Variants in SLC29A4 observed in about 807,000 individuals in gnomAD.
SLC29A4 encodes equilibrative nucleoside transporter 4.
A neutral mutation model predicts 43.9 loss-of-function variants in SLC29A4; 36 were observed. The ratio of observed to expected loss-of-function variants is 0.82; its 90% CI spans 0.63 to 1.08. SLC29A4 has a LOEUF of 1.08. Among genes scored for constraint, SLC29A4 ranks in the 50% least tolerant of loss-of-function variants. The pLI, the probability that SLC29A4 is intolerant of heterozygous loss-of-function variation, is 0.00. For missense variants in SLC29A4, 869 were observed against 755.3 expected (o/e 1.15, Z -1.77); for synonymous variants, 491 against 338.0 (o/e 1.45, Z -4.97).
At chr7:5,296,474 G>A (rs11765038) in intron 6 of SLC29A4, among the ~76,000 whole-genome samples, 38,326 of 133,246 alleles carry the variant, frequency 0.29, 6,776 homozygotes, top group East Asian at 0.68. Context: ...GAGTTGGGGC[G>A]GGAGAGACGG....
At chr7:5,301,616 T>G (rs1366544859) in intron 10 of SLC29A4, among the ~76,000 whole-genome samples, 1 of 152,012 alleles carries the variant, frequency 6.6e-6, no homozygotes. Context: ...TGGAGGTGAG[T>G]GAGGAGCTAC....
At chr7:5,296,100 C>T (rs1239454609) in intron 6 of SLC29A4, among the ~76,000 whole-genome samples, 2 of 152,114 alleles carry the variant, frequency 1.3e-5, no homozygotes, top group Admixed American at 6.5e-5. Flanking sequence ...GCACTGAGCT[C>T]ACAGCAGCCC....
At position 5,297,310 on chromosome 7, in the gene SLC29A4, C is replaced by T. The variant is rs1374836311; in HGVS notation, c.882+112C>T. On this transcript the variant is annotated intron_variant, in intron 7 of 10. Transcript: ENST00000396872. The stretch of plus-strand genomic sequence containing the variant: ...TCTCACCTGCATCCCAGACTGTGGT[C>T]TCCTCCTGTGGTGGAGACTCCTTCC... 5.5e-6 allele frequency: 7 copies of T among 1,273,360 alleles called. No individual in the cohort carries two copies. In the African/African-American group the frequency reaches 9.1e-5, roughly 17 times the overall value. 78.9% of individuals were successfully genotyped at this position (1,273,360 alleles called of 1,614,324 possible).
rs1786319035 is a variant in SLC29A4 at position 5,303,522 on chromosome 7, C to T, written c.*583C>T. ...CGTTAGCCATGAAGGAGTCGGAGCCCTGGGTCCGAATGGACCCGCCTGCGG... is the reference window on the plus strand; with the variant it reads ...CGTTAGCCATGAAGGAGTCGGAGCCTTGGGTCCGAATGGACCCGCCTGCGG... On this transcript the variant is annotated 3_prime_UTR_variant, in exon 11 of 11. Coordinates refer to ENST00000396872, the MANE Select transcript of SLC29A4 (RefSeq NM_153247.4). 1.3e-5 allele frequency: 2 copies of T among 155,486 alleles called. No homozygotes were observed. Among genetic ancestry groups the T allele is most frequent in the African/African-American group, 4.8e-5 (2 of 41,490 alleles). 9.6% of individuals were successfully genotyped at this position (155,486 alleles called of 1,614,324 possible).
intron 6 of SLC29A4, among the ~76,000 whole-genome samples, chr7:5,295,262 G>A (rs959448369): frequency 6.6e-6 from 1 of 152,056 alleles, no homozygotes; most frequent in African/African-American, 2.4e-5. Context: ...GCGTGTGTTA[G>A]GAGGTGGGCC....
intron 2 of SLC29A4, among the ~76,000 whole-genome samples, chr7:5,288,268 C>T (rs565116569): frequency 2.2e-4 from 33 of 149,484 alleles, no homozygotes; most frequent in African/African-American, 7.7e-4. Context: ...GGTGAAGGGA[C>T]CATGGCTCAT....
At position 5,305,751 on chromosome 7, in the gene SLC29A4, T is replaced by C. The variant is rs146837204; in HGVS notation, c.*2812T>C. 0.054 allele frequency: 8,133 copies of C among 150,142 alleles called. 269 individuals carry two copies. The highest frequency in any genetic ancestry group is 0.086 in the Middle Eastern group (25 of 292). 9.3% of individuals were successfully genotyped at this position (150,142 alleles called of 1,614,324 possible). On this transcript the variant is annotated 3_prime_UTR_variant, in exon 11 of 11. Coordinates refer to ENST00000396872, the MANE Select transcript of SLC29A4 (RefSeq NM_153247.4). Reference sequence around the variant, plus strand: ...TTTGTGCTTTTAGTAGAGACGAGGTTTCTCCATGTTGGTCAGGCTGGTCTT... The same window carrying C: ...TTTGTGCTTTTAGTAGAGACGAGGTCTCTCCATGTTGGTCAGGCTGGTCTT...
At chr7:5,284,858 G>C (rs1457392550) in intron 1 of SLC29A4, among the ~76,000 whole-genome samples, 1 of 152,226 alleles carries the variant, frequency 6.6e-6, no homozygotes, top group African/African-American at 2.4e-5. Context: ...GCCTTCCTGG[G>C]TGGCGTGGCC....
intron 5 of SLC29A4, among the ~76,000 whole-genome samples, chr7:5,292,690 CTTTTTTTT>C (rs1056329272): frequency 8.3e-4 from 56 of 67,406 alleles, no homozygotes; most frequent in African/African-American, 2.0e-3. Flanking sequence ...CATTTTTTTC[CTTTTTTTT>C]TTTTTTTTTT....
intron 7 of SLC29A4, among the ~76,000 whole-genome samples, chr7:5,297,601 C>A (rs1423466849): frequency 6.6e-6 from 1 of 152,236 alleles, no homozygotes; most frequent in Non-Finnish European, 1.5e-5. Flanking sequence ...GGAGAGTCCT[C>A]CTGCAGGCTC....
Position 5,296,601 on chromosome 7 carries a change from G to T in SLC29A4, c.620-335G>T, listed in dbSNP as rs187465319. Among the ~76,000 whole-genome samples, 58 of 108,504 alleles carry T rather than the reference G, an allele frequency of 5.3e-4. 1 individual carries two copies. The East Asian group carries it at 0.015, about 28-fold the overall frequency. 71.2% of individuals were successfully genotyped at this position (108,504 alleles called of 152,430 possible). A position where few individuals can be genotyped will look rare whatever the true frequency, so the allele number is the denominator to read the frequency against. ...GTCAAGCTGAGTCGGGGGGTGGGGT[G>T]GGATGCAGCTGGGCGTGGCTGAGTG... On this transcript the variant is annotated intron_variant, in intron 6 of 10. Transcript: ENST00000396872.
chr7:5,291,650 C>T (rs1785317543), intron 4 of SLC29A4, 43 bp from the exon 5 acceptor site: 3 of 1,544,098 alleles, frequency 1.9e-6, no homozygotes, highest in Non-Finnish European at 8.8e-7. Flanking sequence ...GGACCCCACC[C>T]AGTTGGCTCC....
chr7:5,299,010 C>T lies in SLC29A4; in HGVS notation c.905C>T (p.Ala302Val). Reference sequence around the variant, plus strand: ...CAGGAGCACCCAGCCCCGGCCCTGGCCCCCAACGAGTCCCCAAAGGACAGC... The same window carrying T: ...CAGGAGCACCCAGCCCCGGCCCTGGTCCCCAACGAGTCCCCAAAGGACAGC... ...VHFEHPAPAL[A>V]PNESPKDSPA... The change falls in exon 8 of 11, where the codon GCC becomes GTC. Residue 302 changes from alanine (A) to valine (V), a missense_variant. Physicochemically the swap from Ala to Val is moderately conservative, Grantham distance 64 (BLOSUM62 0). Transcript: ENST00000396872. 6.2e-7 allele frequency: 1 copy of T among 1,610,690 alleles called. No individual in the cohort carries two copies. Among genetic ancestry groups the T allele is most frequent in the Admixed American group, 1.7e-5 (1 of 59,986 alleles).
chr7:5,292,763 A>G (rs903539264), intron 5 of SLC29A4, among the ~76,000 whole-genome samples: 2 of 125,094 alleles, frequency 1.6e-5, no homozygotes, highest in Non-Finnish European at 3.1e-5. Context: ...CAGTGGCACC[A>G]TCTCAACTCA....
rs759306260 is a variant in SLC29A4, at chr7:5,291,107, T to C, written c.302-17T>C. On this transcript the variant is annotated splice_polypyrimidine_tract_variant and intron_variant, in intron 3 of 10. Coordinates refer to ENST00000396872, the MANE Select transcript of SLC29A4 (RefSeq NM_153247.4). Reference sequence around the variant, plus strand: ...GTGGGGCCTCCCTGAGCACCTGCTGTCTCTGGCCCTCTGCAGGGACCTCCA... The same window carrying C: ...GTGGGGCCTCCCTGAGCACCTGCTGCCTCTGGCCCTCTGCAGGGACCTCCA... 1.5e-5 allele frequency: 24 copies of C among 1,612,132 alleles called. No homozygotes were observed. The highest frequency in any genetic ancestry group is 2.0e-5 in the Non-Finnish European group (23 of 1,178,908).
At chr7:5,291,857 C>G in intron 5 of SLC29A4, 36 bp downstream of exon 5, 1 of 1,599,016 alleles carries the variant, frequency 6.3e-7, no homozygotes, top group Non-Finnish European at 8.5e-7. Context: ...GCCTTGAGTG[C>G]CCACTTCCGA....
chr7:5,288,211 G>A (rs965990843), intron 2 of SLC29A4, among the ~76,000 whole-genome samples: 22 of 152,050 alleles, frequency 1.4e-4, no homozygotes, highest in Admixed American at 1.4e-3. Flanking sequence ...GACAGCCCCA[G>A]GCAGAGGAGG....
Position 5,287,855 on chromosome 7 carries a change from C to A in SLC29A4, c.39C>A (p.Ser13Arg), listed in dbSNP as rs772702987. The change falls in exon 2 of 11, where the codon AGC (serine) becomes AGA (arginine). Residue 13 changes from serine (S) to arginine (R), a missense_variant. By Grantham distance (110) the Ser-to-Arg change is moderately radical. Coordinates refer to ENST00000396872, the MANE Select transcript of SLC29A4 (RefSeq NM_153247.4). ...SVGSQRLEEP[S>R]VAGTPDPGVV... ...GGAGCCAGCGCCTTGAGGAGCCCAG[C>A]GTGGCAGGCACACCAGACCCGGGCG... 6.2e-7 allele frequency: 1 copy of A among 1,611,960 alleles called. No homozygotes were observed. The highest frequency in any genetic ancestry group is 2.2e-5 in the East Asian group (1 of 44,882).
At chr7:5,290,436 A>T (rs1464369579) in intron 2 of SLC29A4, among the ~76,000 whole-genome samples, 1 of 152,148 alleles carries the variant, frequency 6.6e-6, no homozygotes, top group Non-Finnish European at 1.5e-5. Flanking sequence ...AGTTCAGGTG[A>T]TCTGCCCGCC....
Sources: gnomAD v4.1 joint callset for allele counts (sites outside exome capture counted in the v4.1 genomes callset) on GRCh38, gnomAD v4.1.1 for gene constraint, MANE v1.5 for transcripts, NCBI Gene and HGNC (gene_info 2026-07-23, HGNC 2026-07-21) for gene names.